The following PDIA6 variants were observed in gnomAD, a reference collection of about 807,000 sequenced individuals.
PDIA6 encodes the protein protein disulfide isomerase family A member 6.
Under a neutral mutation model 58.4 loss-of-function variants are expected in PDIA6, and 29 were observed. The ratio of observed to expected loss-of-function variants is 0.50; its 90% CI spans 0.37 to 0.68. PDIA6 has a LOEUF of 0.68. PDIA6 is among the 30% of genes least tolerant of loss of function. The probability of loss-of-function intolerance (pLI) is 0.00; values close to 1 mark genes in which losing one functional copy is unlikely to be tolerated. For synonymous variants in PDIA6, 192 were observed against 202.6 expected (o/e 0.95, Z 0.44); for missense variants, 480 against 551.0 (o/e 0.87, Z 1.29).
upstream of PDIA6, among the ~76,000 whole-genome samples, chr2:10,836,282 G>A (rs1433132935): frequency 6.6e-6 from 1 of 152,200 alleles, no homozygotes; most frequent in Non-Finnish European, 1.5e-5. Flanking sequence ...ACGATGGCCT[G>A]CTGCAGACAC....
chr2:10,799,994 GA>G (rs199652893), intron 2 of PDIA6, among the ~76,000 whole-genome samples: 4,663 of 151,518 alleles, frequency 0.031, 255 homozygotes, highest in African/African-American at 0.11. Flanking sequence ...GAATTTGGAT[GA>G]AAAAAAAGTC....
At chr2:10,814,590 C>T (rs1436606731), upstream of PDIA6, among the ~76,000 whole-genome samples, 4 of 152,192 alleles carry the variant, frequency 2.6e-5, no homozygotes, top group Non-Finnish European at 5.9e-5. Context: ...CTTAAATTTG[C>T]TGCTGTTGCT....
intron 12 of PDIA6, 114 bp downstream of exon 12, chr2:10,784,820 G>A: frequency 1.4e-6 from 1 of 728,104 alleles, no homozygotes; most frequent in Admixed American, 2.6e-5. Context: ...AGGCCCACGG[G>A]TGCACCAGGG....
chr2:10,789,977 G>A, intron 7 of PDIA6, 88 bp from the exon 8 acceptor site: 1 of 1,114,904 alleles, frequency 9.0e-7, no homozygotes. Context: ...CACCTTATAG[G>A]TAATTTTTTT....
At chr2:10,799,013 TG>T (rs1425242035) in intron 2 of PDIA6, among the ~76,000 whole-genome samples, 2 of 148,922 alleles carry the variant, frequency 1.3e-5, no homozygotes, top group Admixed American at 6.9e-5. Context: ...ATGACTGAGG[TG>T]GGGGGAGGCA....
chr2:10,791,880 C>G lies in PDIA6; in HGVS notation c.499G>C (p.Asp167His). The G allele has an allele frequency of 6.2e-7, 1 of 1,613,594 alleles. No individual in the cohort carries two copies. Among genetic ancestry groups the G allele is most frequent in the South Asian group, 1.1e-5 (1 of 91,070 alleles). ...AGAACATTCTTATCAAAGCTGTCGT[C>G]TGTCAGCTCAATCACATCCTTCTTA... ...SSKKDVIELT[D>H]DSFDKNVLDS... is the part of the protein sequence containing the mutation. The change falls in exon 6 of 13, where the codon GAC becomes CAC. Residue 167 changes from aspartate (D) to histidine (H), a missense_variant. Physicochemically the swap from Asp to His is moderately conservative, Grantham distance 81. Transcript: ENST00000272227.
chr2:10,789,770 G>T lies in PDIA6; in HGVS notation c.819C>A (p.Ala273=). The part of the protein sequence containing the change: ...SRALDLFSDN[A]PPPELLEIIN... ...TTACCTCAAGCAGCTCAGGAGGTGGGGCGTTATCAGAAAACAAATCAAGGG... is the reference window on the plus strand; with the variant it reads ...TTACCTCAAGCAGCTCAGGAGGTGGTGCGTTATCAGAAAACAAATCAAGGG... The change falls in exon 8 of 13, where the codon GCC becomes GCA. Residue 273 remains alanine, a synonymous_variant. Coordinates refer to ENST00000272227, the MANE Select transcript of PDIA6 (RefSeq NM_005742.4). 2 of 1,613,838 alleles carry T rather than the reference G, an allele frequency of 1.2e-6. No individual in the cohort carries two copies. The highest frequency in any genetic ancestry group is 1.7e-6 in the Non-Finnish European group (2 of 1,179,872).
At chr2:10,824,989 T>C (rs1380027193) in intron 1 of PDIA6, among the ~76,000 whole-genome samples, 4 of 152,164 alleles carry the variant, frequency 2.6e-5, no homozygotes, top group Non-Finnish European at 5.9e-5. Flanking sequence ...AGACCCACCC[T>C]TAATCTGGGT....
chr2:10,792,688 T>C (rs1666088445), intron 5 of PDIA6, among the ~76,000 whole-genome samples: 1 of 152,100 alleles, frequency 6.6e-6, no homozygotes, highest in African/African-American at 2.4e-5. Flanking sequence ...TTGTGTAGAA[T>C]TTTCCATGGA....
Position 10,798,744 on chromosome 2 carries a change from C to T in PDIA6, c.162-987G>A, listed in dbSNP as rs148317179. Among the ~76,000 whole-genome samples the T allele has an allele frequency of 2.9e-3, 437 of 152,266 alleles. 1 individual carries two copies. The highest frequency in any genetic ancestry group is 0.01 in the African/African-American group (417 of 41,546). ...ATGCAGATTCTTGGGGTCCACAAACCCAAACTTCCTAGTGGAAGAAGTGCA... is the reference window on the plus strand; with the variant it reads ...ATGCAGATTCTTGGGGTCCACAAACTCAAACTTCCTAGTGGAAGAAGTGCA... On this transcript the variant is annotated intron_variant, in intron 2 of 12. Coordinates refer to ENST00000272227, the MANE Select transcript of PDIA6 (RefSeq NM_005742.4).
chr2:10,837,382 A>G (rs1351992067), upstream of PDIA6: 5 of 603,106 alleles, frequency 8.3e-6, no homozygotes, highest in Non-Finnish European at 1.2e-5. Context: ...GATGCACTCA[A>G]TATGACAAGA....
At chr2:10,812,594 G>C (rs1667050341) in intron 1 of PDIA6, 84 bp downstream of exon 1, 4 of 1,345,250 alleles carry the variant, frequency 3.0e-6, no homozygotes, top group Admixed American at 3.0e-5. Flanking sequence ...CTGCGGCCGC[G>C]GCCCGCCGGG....
chr2:10,792,431 C>T (rs543219577), intron 5 of PDIA6, among the ~76,000 whole-genome samples: 2 of 152,240 alleles, frequency 1.3e-5, no homozygotes, highest in South Asian at 2.1e-4. Flanking sequence ...GTGCAGGGGG[C>T]CAGGCAACTA....
At chr2:10,820,650 G>A (rs965137245) in intron 1 of PDIA6, 2 of 591,730 alleles carry the variant, frequency 3.4e-6, no homozygotes, top group African/African-American at 3.8e-5. Context: ...TTGTTAGAAG[G>A]GAAGTTCTGT....
intron 1 of PDIA6, among the ~76,000 whole-genome samples, chr2:10,804,836 CTT>C (rs1264608915): frequency 7.2e-6 from 1 of 139,212 alleles, no homozygotes; most frequent in Non-Finnish European, 1.6e-5. Flanking sequence ...TTTGTATCCT[CTT>C]TTATTTCCTT....
chr2:10,791,699 TG>T, intron 6 of PDIA6, 95 bp downstream of exon 6: 1 of 1,090,510 alleles, frequency 9.2e-7, no homozygotes, highest in Non-Finnish European at 1.3e-6. Context: ...GAGATCTTAG[TG>T]GTGATCTATT....
chr2:10,800,117 T>A (rs1244684172), intron 2 of PDIA6, among the ~76,000 whole-genome samples: 1 of 152,224 alleles, frequency 6.6e-6, no homozygotes, highest in East Asian at 1.9e-4. Context: ...GCTGTTTTCA[T>A]GATCGCCACT....
chr2:10,817,281 C>G (rs1667226585), upstream of PDIA6, among the ~76,000 whole-genome samples: 3 of 152,234 alleles, frequency 2.0e-5, no homozygotes, highest in Admixed American at 2.0e-4. Context: ...TGCCCTGCCT[C>G]AGCAGCTGAT....
Position 10,790,778 on chromosome 2 carries a change from T to C in PDIA6, c.640A>G (p.Lys214Glu). The C allele has an allele frequency of 6.2e-7, 1 of 1,614,202 alleles. No individual in the cohort carries two copies. Among genetic ancestry groups the C allele is most frequent in the South Asian group, 1.1e-5 (1 of 91,088 alleles). ...GCATCCACAGCTGCCAGTTTCACTT[T>C]TCCTTTCGTCTGCTCTTTTACTTCT... ...ASEVKEQTKG[K>E]VKLAAVDATV... is the part of the protein sequence containing the mutation. The change falls in exon 7 of 13, where the codon AAA becomes GAA. Residue 214 changes from lysine to glutamate, a missense_variant. Transcript: ENST00000272227.
Sources: gnomAD v4.1 joint callset for allele counts (sites outside exome capture counted in the v4.1 genomes callset) on GRCh38, gnomAD v4.1.1 for gene constraint, MANE v1.5 for transcripts, NCBI Gene and HGNC (gene_info 2026-07-23, HGNC 2026-07-21) for gene names.